The following ONECUT3 variants were observed in gnomAD, a reference collection of about 807,000 sequenced individuals.
The protein encoded by ONECUT3 is one cut homeobox 3.
ONECUT3 carries 11 observed loss-of-function variants against 16.8 expected under a neutral mutation model. That is an observed-to-expected ratio of 0.66 (90% CI 0.41 to 1.09). The LOEUF (loss-of-function observed/expected upper bound fraction) is 1.09, where lower values mean the gene tolerates loss of function less well. ONECUT3 is among the 50% of genes least tolerant of loss of function. The pLI, the probability that ONECUT3 is intolerant of heterozygous loss-of-function variation, is 0.00. For synonymous variants in ONECUT3, 344 were observed against 310.7 expected, an observed-to-expected ratio of 1.11 and a Z score of -1.13; for missense variants, 637 against 629.9, an observed-to-expected ratio of 1.01 and a Z score of -0.12.
chr19:1,753,557 TG>T lies in ONECUT3; in HGVS notation c.-104del. ...GGGCCGGGCCGTGCGCCGCGCAGCC[TG>T]GCAGCCTCGCGCGCAGCCACCGGGG... On this transcript the variant is annotated 5_prime_UTR_variant, in exon 1 of 2. Transcript: ENST00000382349. 2.9e-6 allele frequency: 1 copy of T among 339,332 alleles called. No homozygotes were observed. Among genetic ancestry groups the T allele is most frequent in the Non-Finnish European group, 4.2e-6 (1 of 235,802 alleles). The allele number at this position is 339,332 out of a possible 1,614,324, so 21.0% of individuals were successfully genotyped here.
chr19:1,760,081 C>T (rs768093179), intron 1 of ONECUT3, among the ~76,000 whole-genome samples: 3 of 144,278 alleles, frequency 2.1e-5, no homozygotes, highest in Non-Finnish European at 4.8e-5. Context: ...CAGCCCTTCC[C>T]CTCCTCCTCA....
In ONECUT3 at chr19:1,777,223, C is replaced by T. The variant is rs2068117588; in HGVS notation, c.*1778C>T. 1 of 152,298 alleles carries T rather than the reference C, an allele frequency of 6.6e-6. No homozygotes were observed. The highest frequency in any genetic ancestry group is 1.5e-5 in the Non-Finnish European group (1 of 68,152). 9.4% of individuals were successfully genotyped at this position (152,298 alleles called of 1,614,324 possible). ...TAGAACATTTGGGTGTTGGGGGGTT[C>T]CCAATAGTAGAAAGGGTCCCCATTC... is the stretch of plus-strand genomic sequence containing the variant. On this transcript the variant is annotated 3_prime_UTR_variant, in exon 2 of 2. Coordinates refer to ENST00000382349, the MANE Select transcript of ONECUT3 (RefSeq NM_001080488.2).
rs58105449 is a variant in ONECUT3 at position 1,756,695 on chromosome 19, A to ATTTTTTTTTTTTTTTT, written c.1192+1850_1192+1865dup. On this transcript the variant is annotated intron_variant, in intron 1 of 1. Coordinates refer to ENST00000382349, the MANE Select transcript of ONECUT3 (RefSeq NM_001080488.2). The stretch of plus-strand genomic sequence containing the variant: ...CAGACGCCCGCCACCACGCCTGGCT[A>ATTTTTTTTTTTTTTTT]TTTTTTTTTTTTTTTTTTTTTTTTG... Among the ~76,000 whole-genome samples the ATTTTTTTTTTTTTTTT allele has an allele frequency of 1.1e-3, 113 of 101,142 alleles. 1 individual carries two copies. The highest frequency in any genetic ancestry group is 1.4e-3 in the Non-Finnish European group (77 of 54,052). 66.4% of individuals were successfully genotyped at this position (101,142 alleles called of 152,430 possible).
intron 1 of ONECUT3, among the ~76,000 whole-genome samples, chr19:1,763,493 A>G (rs1168706144): frequency 2.6e-5 from 4 of 151,376 alleles, no homozygotes; most frequent in African/African-American, 9.7e-5. Context: ...CTGCAGTGAG[A>G]CATGACTGCG....
chr19:1,772,271 C>T (rs1394819903), intron 1 of ONECUT3, among the ~76,000 whole-genome samples: 2 of 152,070 alleles, frequency 1.3e-5, no homozygotes, highest in Non-Finnish European at 2.9e-5. Context: ...CCTTGGCCTC[C>T]CAAAGTGCTG....
Position 1,764,607 on chromosome 19 carries a change from C to T in ONECUT3, c.1192+9753C>T, listed in dbSNP as rs964559179. ...CTGGGGAGGCCTCTGGGGGTCCACG[C>T]CTGGGGCATGACTCAGCCCCATCTC... On this transcript the variant is annotated intron_variant, in intron 1 of 1. Coordinates refer to ENST00000382349, the MANE Select transcript of ONECUT3 (RefSeq NM_001080488.2). This position sits in a 1 kb window ranked among gnomAD's most constrained non-coding sequence, Gnocchi z 5.0. Among the ~76,000 whole-genome samples, 1 of 152,044 alleles carries T rather than the reference C, an allele frequency of 6.6e-6. No individual in the cohort carries two copies. Among genetic ancestry groups the T allele is most frequent in the African/African-American group, 2.4e-5 (1 of 41,366 alleles).
At chr19:1,760,762 C>T (rs535800916) in intron 1 of ONECUT3, among the ~76,000 whole-genome samples, 1 of 152,114 alleles carries the variant, frequency 6.6e-6, no homozygotes, top group African/African-American at 2.4e-5. Flanking sequence ...ACGCCAGCCT[C>T]GGTCCCAATA....
intron 1 of ONECUT3, among the ~76,000 whole-genome samples, chr19:1,756,082 G>A (rs372386750): frequency 8.4e-4 from 127 of 151,998 alleles, no homozygotes; most frequent in African/African-American, 2.8e-3. Context: ...AGGGGCTTGC[G>A]GCTGTGCCCC....
rs2067926059 is a variant in ONECUT3 at position 1,758,041 on chromosome 19, C to A, written c.1192+3187C>A. On this transcript the variant is annotated intron_variant, in intron 1 of 1. Transcript: ENST00000382349. This position sits in a 1 kb window ranked among gnomAD's most constrained non-coding sequence, Gnocchi z 5.9. ...CGCTTGCCCGGCTCGGGGCGGGCCA[C>A]GCGTTTCCGCAGGTGCCGAGTGTCC... Among the ~76,000 whole-genome samples, 1 of 152,194 alleles carries A rather than the reference C, an allele frequency of 6.6e-6. No homozygotes were observed. The highest frequency in any genetic ancestry group is 1.5e-5 in the Non-Finnish European group (1 of 68,020).
intron 1 of ONECUT3, among the ~76,000 whole-genome samples, chr19:1,763,140 G>A (rs1405581762): frequency 6.6e-6 from 1 of 151,912 alleles, no homozygotes; most frequent in Non-Finnish European, 1.5e-5. Context: ...GAGGTGGGTA[G>A]ATCATCTGAG....
chr19:1,773,820 G>A (rs1328291050), intron 1 of ONECUT3, among the ~76,000 whole-genome samples: 1 of 152,170 alleles, frequency 6.6e-6, no homozygotes, highest in Non-Finnish European at 1.5e-5. Context: ...CCTAGTGGGG[G>A]AAGCCTGTGT....
In ONECUT3 at chr19:1,776,877, C is replaced by G. The variant is rs564512235; in HGVS notation, c.*1432C>G. Reference sequence around the variant, plus strand: ...TCCCCCAGGTAAAGGCTACCTCACTCAAGCTCATGTCTGTGATTGGAAAAT... The same window carrying G: ...TCCCCCAGGTAAAGGCTACCTCACTGAAGCTCATGTCTGTGATTGGAAAAT... On this transcript the variant is annotated 3_prime_UTR_variant, in exon 2 of 2. Transcript: ENST00000382349. The surrounding 1 kb of genome is among the most constrained non-coding windows in gnomAD (Gnocchi z 4.9). 32 of 152,220 alleles carry G rather than the reference C, an allele frequency of 2.1e-4. No homozygotes were observed. The highest frequency in any genetic ancestry group is 7.7e-4 in the African/African-American group (32 of 41,524). 9.4% of individuals were successfully genotyped at this position (152,220 alleles called of 1,614,324 possible). A position where few individuals can be genotyped will look rare whatever the true frequency, so the allele number is the denominator to read the frequency against.
Position 1,766,281 on chromosome 19 carries a change from A to G in ONECUT3, c.1193-8872A>G, listed in dbSNP as rs1381579823. ...CCCACGCGGGCACACCCGATGGTGGACGGAGGCTGGCACCCTCAGCCCGCA... is the reference window on the plus strand; with the variant it reads ...CCCACGCGGGCACACCCGATGGTGGGCGGAGGCTGGCACCCTCAGCCCGCA... On this transcript the variant is annotated intron_variant, in intron 1 of 1. Coordinates refer to ENST00000382349, the MANE Select transcript of ONECUT3 (RefSeq NM_001080488.2). This position sits in a 1 kb window ranked among gnomAD's most constrained non-coding sequence, Gnocchi z 4.0. 6.6e-6 allele frequency among the ~76,000 whole-genome samples: 1 copy of G among 152,042 alleles called. No homozygotes were observed. The highest frequency in any genetic ancestry group is 2.4e-5 in the African/African-American group (1 of 41,396).
At position 1,755,337 on chromosome 19, in the gene ONECUT3, G is replaced by A. The variant is rs1160728881; in HGVS notation, c.1192+483G>A. ...CCAGCCCCGGGCCACAGAGCTCCGA[G>A]ACGTTGCGGCGGGCGCCTGCAGCTC... is the stretch of plus-strand genomic sequence containing the variant. On this transcript the variant is annotated intron_variant, in intron 1 of 1. Transcript: ENST00000382349. The surrounding 1 kb of genome is among the most constrained non-coding windows in gnomAD (Gnocchi z 7.5). Among the ~76,000 whole-genome samples the A allele has an allele frequency of 6.6e-6, 1 of 152,182 alleles. No homozygotes were observed. The highest frequency in any genetic ancestry group is 1.5e-5 in the Non-Finnish European group (1 of 68,024).
Position 1,779,439 on chromosome 19 carries a change from G to C in ONECUT3, c.*3994G>C, listed in dbSNP as rs2068138750. The C allele has an allele frequency of 6.6e-6, 1 of 152,032 alleles. No homozygotes were observed. The highest frequency in any genetic ancestry group is 1.5e-5 in the Non-Finnish European group (1 of 67,966). The allele number at this position is 152,032 out of a possible 1,614,324, so 9.4% of individuals were successfully genotyped here. The stretch of plus-strand genomic sequence containing the variant: ...CGCAAGAGAGAGAGAGAGGGAGAGA[G>C]AGGGAGAGGGAGAGAGAGAGGCAGA... On this transcript the variant is annotated 3_prime_UTR_variant, in exon 2 of 2. Transcript: ENST00000382349.
chr19:1,763,055 A>C (rs116539397), intron 1 of ONECUT3, among the ~76,000 whole-genome samples: 5,347 of 152,058 alleles, frequency 0.035, 326 homozygotes, highest in African/African-American at 0.12. Context: ...GCATCTCTAT[A>C]AAAATGTTTT....
chr19:1,763,737 T>TG (rs1555799415), intron 1 of ONECUT3, among the ~76,000 whole-genome samples: 4 of 148,254 alleles, frequency 2.7e-5, no homozygotes, highest in East Asian at 1.9e-4. Flanking sequence ...TTTTTGTTTT[T>TG]TTTTTTTTTT....
intron 1 of ONECUT3, among the ~76,000 whole-genome samples, chr19:1,772,859 A>AT (rs1367771551): frequency 4.4e-5 from 5 of 113,452 alleles, no homozygotes; most frequent in African/African-American, 1.8e-4. Context: ...ACGTCCAGCT[A>AT]ATTTTTTTTT....
In ONECUT3 at chr19:1,762,464, G is replaced by C. The variant is rs965616194; in HGVS notation, c.1192+7610G>C. Reference sequence around the variant, plus strand: ...CCAAGGACCTGCTGGGGGGATGACTGTGCCTCAGTTTCCATCACCCAGCAA... The same window carrying C: ...CCAAGGACCTGCTGGGGGGATGACTCTGCCTCAGTTTCCATCACCCAGCAA... On this transcript the variant is annotated intron_variant, in intron 1 of 1. Transcript: ENST00000382349. The surrounding 1 kb of genome is among the most constrained non-coding windows in gnomAD (Gnocchi z 4.4). 2.6e-5 allele frequency among the ~76,000 whole-genome samples: 4 copies of C among 152,266 alleles called. No individual in the cohort carries two copies. The highest frequency in any genetic ancestry group is 5.9e-5 in the Non-Finnish European group (4 of 68,044).
Sources: allele counts gnomAD v4.1 joint callset (sites outside exome capture counted in the v4.1 genomes callset), GRCh38; gene constraint gnomAD v4.1.1; non-coding constraint Gnocchi (gnomAD v3.1); transcripts MANE v1.5; gene names NCBI Gene and HGNC (gene_info 2026-07-23, HGNC 2026-07-21).